Variants in GRM7 observed in about 807,000 individuals in gnomAD.
The protein encoded by GRM7 is metabotropic glutamate receptor 7.
A neutral mutation model predicts 84.5 loss-of-function variants in GRM7; 35 were observed. The ratio of observed to expected loss-of-function variants is 0.41; its 90% CI spans 0.32 to 0.55. The LOEUF is 0.55. Ranked by LOEUF, GRM7 falls within the 20% of genes least tolerant of loss-of-function variation. GRM7 has a pLI of 0.19. For synonymous variants in GRM7, 487 were observed against 455.1 expected (o/e 1.07, Z -0.89); for missense variants, 1,003 against 1,194.6 (o/e 0.84, Z 2.36).
chr3:7,478,703 A>G (rs1452348761), intron 7 of GRM7, among the ~76,000 whole-genome samples: 1 of 148,854 alleles, frequency 6.7e-6, no homozygotes, highest in Non-Finnish European at 1.5e-5. Context: ...ACAGTAGGGA[A>G]CACTGGAGAG....
chr3:7,731,279 C>A (rs935338202), intron 9 of GRM7, among the ~76,000 whole-genome samples: 2 of 151,904 alleles, frequency 1.3e-5, no homozygotes, highest in Non-Finnish European at 2.9e-5. Flanking sequence ...AATACAGTAA[C>A]CCATAGGAGA....
intron 4 of GRM7, among the ~76,000 whole-genome samples, chr3:7,333,872 C>T (rs1701303740): frequency 6.6e-6 from 1 of 151,880 alleles, no homozygotes; most frequent in Non-Finnish European, 1.5e-5. Flanking sequence ...AACTTCAGAG[C>T]TCGAAGACAA....
chr3:7,299,785 G>T lies in GRM7; in HGVS notation c.878+960G>T, dbSNP rs184348633. Among the ~76,000 whole-genome samples the T allele has an allele frequency of 3.6e-4, 54 of 152,026 alleles. No individual in the cohort carries two copies. The East Asian group carries it at 8.3e-3, about 23-fold the overall frequency. ...CCAGGCAGAATTTTATTTTACATAGGTACTGTAATTTATCTAACTGCTCCC... is the reference window on the plus strand; with the variant it reads ...CCAGGCAGAATTTTATTTTACATAGTTACTGTAATTTATCTAACTGCTCCC... On this transcript the variant is annotated intron_variant, in intron 3 of 9. Coordinates refer to ENST00000357716, the MANE Select transcript of GRM7 (RefSeq NM_000844.4).
intron 9 of GRM7, among the ~76,000 whole-genome samples, chr3:7,695,474 A>G (rs1700983877): frequency 1.3e-5 from 2 of 152,186 alleles, no homozygotes; most frequent in South Asian, 4.1e-4. Flanking sequence ...TGATTTTTAA[A>G]TCTTCATTTA....
chr3:7,709,768 T>C (rs373571373), intron 9 of GRM7, among the ~76,000 whole-genome samples: 9 of 152,218 alleles, frequency 5.9e-5, no homozygotes, highest in South Asian at 2.1e-4. Flanking sequence ...CTTGTGTTTC[T>C]GGAGTTGGGG....
chr3:7,112,831 A>G, intron 1 of GRM7, among the ~76,000 whole-genome samples: 1 of 152,168 alleles, frequency 6.6e-6, no homozygotes, highest in East Asian at 1.9e-4. Flanking sequence ...AGTGACTGGT[A>G]TGACTGATTC....
intron 1 of GRM7, among the ~76,000 whole-genome samples, chr3:7,113,689 AT>A (rs1290906788): frequency 1.4e-4 from 21 of 152,258 alleles, no homozygotes; most frequent in Non-Finnish European, 2.9e-4. Flanking sequence ...TCTTCATGGC[AT>A]ATTAAATAAT....
intron 8 of GRM7, among the ~76,000 whole-genome samples, chr3:7,608,436 T>C (rs1696694752): frequency 1.3e-5 from 2 of 152,168 alleles, no homozygotes; most frequent in African/African-American, 2.4e-5. Flanking sequence ...TGTGAGATGG[T>C]ATCTCATTGT....
intron 1 of GRM7, among the ~76,000 whole-genome samples, chr3:7,138,037 G>T (rs62237663): frequency 1 from 152,158 of 152,160 alleles, 76,078 homozygotes; most frequent in Non-Finnish European, 1. Context: ...TGTAGTGGTA[G>T]AAGTAAAAAT....
At position 7,317,765 on chromosome 3, in the gene GRM7, CA is replaced by C. The variant is rs201605419; in HGVS notation, c.1033+11123del. ...AGCCCTAGAATTCTCTGATTTTCTA[CA>C]AAAAAAAAACTGTGCAAGGTAGACA... On this transcript the variant is annotated intron_variant, in intron 4 of 9. Transcript: ENST00000357716. Among the ~76,000 whole-genome samples the C allele has an allele frequency of 3.0e-3, 425 of 142,634 alleles. 4 individuals carry two copies. Among genetic ancestry groups the C allele is most frequent in the African/African-American group, 6.8e-3 (265 of 38,898 alleles). 93.6% of individuals were successfully genotyped at this position (142,634 alleles called of 152,430 possible). A position where few individuals can be genotyped will look rare whatever the true frequency, so the allele number is the denominator to read the frequency against.
At chr3:7,636,342 G>A (rs1698093824) in intron 8 of GRM7, 8 of 456,232 alleles carry the variant, frequency 1.8e-5, no homozygotes, top group East Asian at 7.0e-5. Context: ...AAATGAAGAC[G>A]GGGCCTCTGT....
chr3:7,043,552 T>G (rs1363188864), intron 1 of GRM7, among the ~76,000 whole-genome samples: 1 of 152,236 alleles, frequency 6.6e-6, no homozygotes, highest in Non-Finnish European at 1.5e-5. Context: ...AGCTTTTAAT[T>G]GTTTCATTTG....
chr3:7,079,150 C>T (rs1457678956), intron 1 of GRM7, among the ~76,000 whole-genome samples: 1 of 152,018 alleles, frequency 6.6e-6, no homozygotes, highest in Non-Finnish European at 1.5e-5. Flanking sequence ...ATGGCCCAGA[C>T]CCCCAGATTT....
At chr3:7,544,012 G>T (rs1213536618) in intron 7 of GRM7, among the ~76,000 whole-genome samples, 1 of 152,186 alleles carries the variant, frequency 6.6e-6, no homozygotes, top group Non-Finnish European at 1.5e-5. Flanking sequence ...TAGACATAAA[G>T]CTCTTGATTG....
chr3:7,145,231 A>G (rs537101703), intron 1 of GRM7, among the ~76,000 whole-genome samples: 1 of 152,258 alleles, frequency 6.6e-6, no homozygotes, highest in Non-Finnish European at 1.5e-5. Flanking sequence ...GACACCCGAG[A>G]AACCTTTTGT....
intron 4 of GRM7, among the ~76,000 whole-genome samples, chr3:7,348,210 C>A (rs1445697808): frequency 6.6e-6 from 1 of 152,104 alleles, no homozygotes; most frequent in Non-Finnish European, 1.5e-5. Context: ...GCATTCCAGG[C>A]CATATATCTA....
chr3:7,203,024 G>A (rs1219384796), intron 2 of GRM7, among the ~76,000 whole-genome samples: 1 of 152,166 alleles, frequency 6.6e-6, no homozygotes, highest in East Asian at 1.9e-4. Context: ...GGTAGAGGAG[G>A]TATCCATCAC....
At chr3:7,553,928 C>T (rs1447488053) in intron 7 of GRM7, among the ~76,000 whole-genome samples, 1 of 152,148 alleles carries the variant, frequency 6.6e-6, no homozygotes, top group Non-Finnish European at 1.5e-5. Context: ...CAGGAAGGGA[C>T]ATGGACATAT....
intron 1 of GRM7, among the ~76,000 whole-genome samples, chr3:6,936,217 C>G (rs1559338479): frequency 6.6e-6 from 1 of 152,206 alleles, no homozygotes; most frequent in Non-Finnish European, 1.5e-5. Context: ...ACTCCCATAG[C>G]TGGCTTCAGC....
Sources: allele counts gnomAD v4.1 joint callset (sites outside exome capture counted in the v4.1 genomes callset), GRCh38; gene constraint gnomAD v4.1.1; transcripts MANE v1.5; gene names NCBI Gene and HGNC (gene_info 2026-07-23, HGNC 2026-07-21).